BCAS4: variants seen among roughly 807,000 people sequenced by gnomAD.
The protein encoded by BCAS4 is breast carcinoma amplified sequence 4, also known as breast carcinoma-amplified sequence 4.
A neutral mutation model predicts 15.7 loss-of-function variants in BCAS4; 9 were observed. That is an observed-to-expected ratio of 0.57 (90% CI 0.34 to 1.00). The LOEUF (loss-of-function observed/expected upper bound fraction) is 1.00, where lower values mean the gene tolerates loss of function less well. Among genes scored for constraint, BCAS4 ranks in the 50% least tolerant of loss-of-function variants. The pLI is 0.02. For missense variants in BCAS4, 225 were observed against 239.1 expected (o/e 0.94, Z 0.39); for synonymous variants, 101 against 99.5 (o/e 1.02, Z -0.09).
Position 50,876,643 on chromosome 20 carries a change from T to A in BCAS4, c.*35T>A, listed in dbSNP as rs1490402607. ...TCTTCCCATCAGGAACGCTGGAAAG[T>A]GACATTGTGTACACACTGCAGCTTG... On this transcript the variant is annotated 3_prime_UTR_variant, in exon 5 of 5. Coordinates refer to ENST00000371608, the MANE Select transcript of BCAS4 (RefSeq NM_198799.4). 2 of 1,611,012 alleles carry A rather than the reference T, an allele frequency of 1.2e-6. No individual in the cohort carries two copies. Among genetic ancestry groups the A allele is most frequent in the African/African-American group, 2.7e-5 (2 of 74,740 alleles).
intron 4 of BCAS4, among the ~76,000 whole-genome samples, chr20:50,854,780 C>T (rs1043400466): frequency 3.9e-5 from 6 of 152,194 alleles, no homozygotes; most frequent in Non-Finnish European, 8.8e-5. Context: ...CATGCGGCAC[C>T]GTAGGTGTGT....
chr20:50,839,628 G>A (rs1222766936), intron 3 of BCAS4, among the ~76,000 whole-genome samples: 4 of 152,078 alleles, frequency 2.6e-5, no homozygotes, highest in Non-Finnish European at 5.9e-5. Flanking sequence ...TTAGTCTCCC[G>A]AGTAGCTGGG....
At chr20:50,838,808 C>T (rs1206895456) in intron 3 of BCAS4, among the ~76,000 whole-genome samples, 1 of 152,088 alleles carries the variant, frequency 6.6e-6, no homozygotes, top group Non-Finnish European at 1.5e-5. Context: ...CACGCTATTG[C>T]ACTCCAGCCT....
intron 4 of BCAS4, among the ~76,000 whole-genome samples, chr20:50,863,382 C>A (rs1015432378): frequency 4.0e-5 from 6 of 151,058 alleles, no homozygotes; most frequent in African/African-American, 1.5e-4. Context: ...CTCAGCCTCC[C>A]CAGTAGCTGG....
the BCAS4 span, chr20:50,882,593 GT>G: frequency 6.6e-6 from 1 of 152,198 alleles, no homozygotes; most frequent in Non-Finnish European, 1.5e-5. Flanking sequence ...TTCTTTAAAA[GT>G]TTTGATATTT....
intron 4 of BCAS4, among the ~76,000 whole-genome samples, chr20:50,867,454 C>T (rs1350022269): frequency 6.6e-6 from 1 of 152,156 alleles, no homozygotes; most frequent in Non-Finnish European, 1.5e-5. Context: ...TCAAGCAATC[C>T]TCCCACCTCA....
intron 4 of BCAS4, among the ~76,000 whole-genome samples, chr20:50,859,240 C>T (rs375866092): frequency 6.6e-6 from 1 of 152,154 alleles, no homozygotes; most frequent in African/African-American, 2.4e-5. Context: ...CCACGCCTAG[C>T]CTCGGTTTTG....
intron 1 of BCAS4, among the ~76,000 whole-genome samples, chr20:50,809,212 T>C (rs546022302): frequency 6.6e-6 from 1 of 152,126 alleles, no homozygotes; most frequent in Non-Finnish European, 1.5e-5. Context: ...TTTAATTTTT[T>C]TTTTTTAATT....
chr20:50,868,730 C>T (rs79940678), intron 4 of BCAS4, among the ~76,000 whole-genome samples: 2,692 of 152,338 alleles, frequency 0.018, 59 homozygotes, highest in African/African-American at 0.057. Context: ...CCTTTCATTT[C>T]ATTATCTAAA....
At chr20:50,871,420 G>T (rs1218406230) in intron 4 of BCAS4, among the ~76,000 whole-genome samples, 1 of 152,244 alleles carries the variant, frequency 6.6e-6, no homozygotes, top group African/African-American at 2.4e-5. Flanking sequence ...GCGGGCATCT[G>T]GTTGTTTTCA....
chr20:50,872,578 GAACA>G (rs1260645482), intron 4 of BCAS4, among the ~76,000 whole-genome samples: 1 of 102,366 alleles, frequency 9.8e-6, no homozygotes, highest in East Asian at 2.2e-4. Context: ...CTCAAAAAAG[GAACA>G]AAAAAAAAAA....
intron 4 of BCAS4, among the ~76,000 whole-genome samples, chr20:50,875,173 G>A (rs1221775897): frequency 6.6e-6 from 1 of 152,210 alleles, no homozygotes; most frequent in East Asian, 1.9e-4. Context: ...TGGGCCCCGG[G>A]CATCAGTAGT....
chr20:50,830,201 C>A, intron 2 of BCAS4, 78 bp from the exon 3 acceptor site: 7 of 1,243,262 alleles, frequency 5.6e-6, no homozygotes, highest in Non-Finnish European at 8.2e-6. Context: ...TCTGTGTAGA[C>A]CCTGGCCAAC....
chr20:50,858,380 T>A (rs1978879521), intron 4 of BCAS4, among the ~76,000 whole-genome samples: 1 of 152,074 alleles, frequency 6.6e-6, no homozygotes, highest in Admixed American at 6.6e-5. Flanking sequence ...GGTGGGTGGA[T>A]CATCTGAGGT....
chr20:50,801,937 C>T (rs1431832499), intron 1 of BCAS4, among the ~76,000 whole-genome samples: 1 of 151,926 alleles, frequency 6.6e-6, no homozygotes, highest in Non-Finnish European at 1.5e-5. Context: ...CCTCAGTGAC[C>T]ACAGGGGTGT....
rs572406945 is a variant in BCAS4, at chr20:50,820,622, C to T, written c.162+2340C>T. 1.4e-4 allele frequency among the ~76,000 whole-genome samples: 22 copies of T among 152,208 alleles called. No homozygotes were observed. The East Asian group carries it at 4.1e-3, about 28-fold the overall frequency. On this transcript the variant is annotated intron_variant, in intron 2 of 4. Transcript: ENST00000371608. ...TCCCGTCATCCACATGGGCATTCTGCGCAAGGAGACCCAGCATCAGCCTGA... is the reference window on the plus strand; with the variant it reads ...TCCCGTCATCCACATGGGCATTCTGTGCAAGGAGACCCAGCATCAGCCTGA...
intron 4 of BCAS4, among the ~76,000 whole-genome samples, chr20:50,853,036 C>T (rs894060505): frequency 3.9e-5 from 6 of 152,160 alleles, no homozygotes. Context: ...CTACACCCCC[C>T]ACATTCTTTC....
chr20:50,861,304 G>A (rs1479427867), intron 4 of BCAS4, among the ~76,000 whole-genome samples: 1 of 152,208 alleles, frequency 6.6e-6, no homozygotes, highest in Non-Finnish European at 1.5e-5. Context: ...GTGTGGGCAT[G>A]GACTAGGAAG....
At chr20:50,841,946 C>T (rs752031069) in intron 4 of BCAS4, 46 bp downstream of exon 4, 20 of 1,518,740 alleles carry the variant, frequency 1.3e-5, no homozygotes, top group Middle Eastern at 2.1e-4. Context: ...TCTCCCCCTT[C>T]GCTCCGCAGA....
Sources: allele counts gnomAD v4.1 joint callset (sites outside exome capture counted in the v4.1 genomes callset), GRCh38; gene constraint gnomAD v4.1.1; transcripts MANE v1.5; gene names NCBI Gene and HGNC (gene_info 2026-07-23, HGNC 2026-07-21).